The following RUBCNL variants were observed in gnomAD, a reference collection of about 807,000 sequenced individuals.
The protein encoded by RUBCNL is rubicon like autophagy enhancer, also known as protein associated with UVRAG as autophagy enhancer.
A neutral mutation model predicts 69.5 loss-of-function variants in RUBCNL; 62 were observed. The ratio of observed to expected loss-of-function variants is 0.89; its 90% confidence interval spans 0.73 to 1.10. The LOEUF (loss-of-function observed/expected upper bound fraction) is 1.10, where lower values mean the gene tolerates loss of function less well. Ranked by LOEUF, RUBCNL falls within the 50% of genes least tolerant of loss-of-function variation. RUBCNL has a pLI of 0.00. For synonymous variants in RUBCNL, 291 were observed against 303.6 expected, an observed-to-expected ratio of 0.96 and a Z score of 0.43; for missense variants, 768 against 798.1, an observed-to-expected ratio of 0.96 and a Z score of 0.45.
In RUBCNL at chr13:46,372,539, AC is replaced by A; in HGVS notation, c.-65del. The A allele has an allele frequency of 6.6e-7, 1 of 1,518,488 alleles. No homozygotes were observed. Among genetic ancestry groups the A allele is most frequent in the African/African-American group, 1.4e-5 (1 of 72,698 alleles). 94.1% of individuals were successfully genotyped at this position (1,518,488 alleles called of 1,614,324 possible). On this transcript the variant is annotated 5_prime_UTR_variant, in exon 3 of 15. Coordinates refer to ENST00000429979, the MANE Select transcript of RUBCNL (RefSeq NM_025113.5). ...AGATAGGAGTTCCCTGATTGCTGGT[AC>A]TACTTGATTTGGGCCCTGAACTCAC...
chr13:46,356,547 A>G (rs1328270637), intron 9 of RUBCNL, 51 bp from the exon 10 acceptor site: 1 of 1,482,496 alleles, frequency 6.7e-7, no homozygotes, highest in Non-Finnish European at 9.3e-7. Flanking sequence ...CCAATGGCAC[A>G]TTTTTCACTA....
intron 12 of RUBCNL, among the ~76,000 whole-genome samples, chr13:46,347,069 A>G (rs1038420374): frequency 1.3e-5 from 2 of 152,202 alleles, no homozygotes; most frequent in Non-Finnish European, 2.9e-5. Flanking sequence ...TGGAGTATCA[A>G]TGATCCCATC....
Position 46,338,908 on chromosome 13 carries a change from A to G in RUBCNL, c.*4477T>C, listed in dbSNP as rs1477010872. On this transcript the variant is annotated 3_prime_UTR_variant, in exon 15 of 15. Coordinates refer to ENST00000429979, the MANE Select transcript of RUBCNL (RefSeq NM_025113.5). Reference sequence around the variant, plus strand: ...AAAAACAGAAAAAAATTAGCTGGGCATGGTGGCACATGCCTGTGGTCCCAG... The same window carrying G: ...AAAAACAGAAAAAAATTAGCTGGGCGTGGTGGCACATGCCTGTGGTCCCAG... Among the ~76,000 whole-genome samples the G allele has an allele frequency of 6.6e-6, 1 of 152,092 alleles. No homozygotes were observed. The highest frequency in any genetic ancestry group is 1.5e-5 in the Non-Finnish European group (1 of 68,008).
rs1292211812 is a variant in RUBCNL, at chr13:46,368,824, A to G, written c.536-9T>C. 6.2e-7 allele frequency: 1 copy of G among 1,602,484 alleles called. No homozygotes were observed. The highest frequency in any genetic ancestry group is 2.2e-5 in the East Asian group (1 of 44,818). On this transcript the variant is annotated splice_polypyrimidine_tract_variant and intron_variant, in intron 3 of 14. Coordinates refer to ENST00000429979, the MANE Select transcript of RUBCNL (RefSeq NM_025113.5). ...ACTGACTTGAACAGCACCTGCCAAT[A>G]TAGCAAATTGTTAAAAATGGGGAAA... is the stretch of plus-strand genomic sequence containing the variant.
chr13:46,372,467 T>C lies in RUBCNL; in HGVS notation c.9A>G (p.Ser3=), dbSNP rs577388753. The change falls in exon 3 of 15, where the codon TCA becomes TCG. Residue 3 remains serine (S), a synonymous_variant. Transcript: ENST00000429979. MV[S]QSTVRQDSPV... ...GAGAATCCTGCCTGACTGTAGATTG[T>C]GACACCATCTTTCCAGGCTTGTGGC... 6.2e-7 allele frequency: 1 copy of C among 1,603,152 alleles called. No homozygotes were observed. Among genetic ancestry groups the C allele is most frequent in the East Asian group, 2.2e-5 (1 of 44,600 alleles).
upstream of RUBCNL, among the ~76,000 whole-genome samples, chr13:46,389,535 T>C (rs2138876626): frequency 6.6e-6 from 1 of 152,328 alleles, no homozygotes; most frequent in Non-Finnish European, 1.5e-5. The surrounding 1 kb of genome is among the most constrained non-coding windows in gnomAD (Gnocchi z 4.2). Flanking sequence ...AAATCGTTTT[T>C]GTAGGGAGAT....
At chr13:46,354,569 G>A (rs1331961192) in intron 10 of RUBCNL, among the ~76,000 whole-genome samples, 1 of 152,112 alleles carries the variant, frequency 6.6e-6, no homozygotes. Context: ...CTTACTCTCT[G>A]GCCACACAGG....
intron 12 of RUBCNL, 69 bp downstream of exon 12, chr13:46,349,217 T>C: frequency 2.2e-6 from 3 of 1,366,274 alleles, no homozygotes; most frequent in East Asian, 2.3e-5. Flanking sequence ...GGGAGCCAGA[T>C]GCAGGAGGCA....
rs2048121677 is a variant in RUBCNL at position 46,338,896 on chromosome 13, A to T, written c.*4489T>A. Among the ~76,000 whole-genome samples the T allele has an allele frequency of 6.6e-6, 1 of 152,014 alleles. No homozygotes were observed. The highest frequency in any genetic ancestry group is 2.4e-5 in the African/African-American group (1 of 41,386). ...CCCGTCTCTACCAAAAACAGAAAAA[A>T]ATTAGCTGGGCATGGTGGCACATGC... On this transcript the variant is annotated 3_prime_UTR_variant, in exon 15 of 15. Coordinates refer to ENST00000429979, the MANE Select transcript of RUBCNL (RefSeq NM_025113.5).
rs2048122165 is a variant in RUBCNL, at chr13:46,338,989, T to C, written c.*4396A>G. ...TTGAACCGGGAAGCAGAGGCTGCAG[T>C]GAACTGAGATCACGCCAACTGCACT... On this transcript the variant is annotated 3_prime_UTR_variant, in exon 15 of 15. Transcript: ENST00000429979. Among the ~76,000 whole-genome samples the C allele has an allele frequency of 6.7e-6, 1 of 149,608 alleles. No homozygotes were observed. Among genetic ancestry groups the C allele is most frequent in the Non-Finnish European group, 1.5e-5 (1 of 67,768 alleles).
At chr13:46,359,383 C>G (rs2048560572) in intron 9 of RUBCNL, 103 bp downstream of exon 9, 6 of 931,056 alleles carry the variant, frequency 6.4e-6, no homozygotes, top group Admixed American at 3.6e-5. Flanking sequence ...TTCCTGTGTT[C>G]TTTAGCATAT....
At position 46,377,890 on chromosome 13, in the gene RUBCNL, C is replaced by T. The variant is rs750848863; in HGVS notation, c.-123G>A. 4.4e-6 allele frequency: 7 copies of T among 1,589,844 alleles called. No individual in the cohort carries two copies. Among genetic ancestry groups the T allele is most frequent in the Non-Finnish European group, 6.0e-6 (7 of 1,161,182 alleles). ...ACAAAAGGCCAGGTCGGACACTCAC[C>T]AGGAGTATGAATTTCTCGAAGAGGC... is the stretch of plus-strand genomic sequence containing the variant. On this transcript the variant is annotated splice_region_variant and 5_prime_UTR_variant, in exon 2 of 15. The change abolishes the stop of an existing upstream ORF in the 5' untranslated region. Coordinates refer to ENST00000429979, the MANE Select transcript of RUBCNL (RefSeq NM_025113.5).
chr13:46,350,201 A>G lies in RUBCNL; in HGVS notation c.1481T>C (p.Leu494Pro). 1.3e-6 allele frequency: 2 copies of G among 1,592,974 alleles called. No homozygotes were observed. Among genetic ancestry groups the G allele is most frequent in the South Asian group, 2.3e-5 (2 of 87,492 alleles). ...AATGGGCTGGTGCCATATGCTGTCGAGCAGCTGTTTGGAGAAATTGCTGAC... is the reference window on the plus strand; with the variant it reads ...AATGGGCTGGTGCCATATGCTGTCGGGCAGCTGTTTGGAGAAATTGCTGAC... ...YYVSNFSKQL[L>P]DSIWHQPIFN... The change falls in exon 11 of 15, where the codon CTC becomes CCC. Residue 494 changes from leucine (L) to proline (P), a missense_variant. Coordinates refer to ENST00000429979, the MANE Select transcript of RUBCNL (RefSeq NM_025113.5).
rs1387740775 is a variant in RUBCNL at position 46,337,268 on chromosome 13, G to A, written c.*6117C>T. 6.6e-6 allele frequency among the ~76,000 whole-genome samples: 1 copy of A among 152,042 alleles called. No homozygotes were observed. The highest frequency in any genetic ancestry group is 1.5e-5 in the Non-Finnish European group (1 of 67,992). On this transcript the variant is annotated 3_prime_UTR_variant, in exon 15 of 15. Transcript: ENST00000429979. ...AGCGATTCTTCTGCCTCAGCCTCCC[G>A]AGTAGCTGGGATTACAGGCACTTGC...
In RUBCNL at chr13:46,335,759, G is replaced by C. The variant is rs1426691495; in HGVS notation, c.*7626C>G. Among the ~76,000 whole-genome samples the C allele has an allele frequency of 1.3e-5, 2 of 152,224 alleles. No homozygotes were observed. The highest frequency in any genetic ancestry group is 2.9e-5 in the Non-Finnish European group (2 of 68,040). On this transcript the variant is annotated 3_prime_UTR_variant, in exon 15 of 15. Transcript: ENST00000429979. ...GACTGGATCTGGGGAGTGAGGGAAAGGGAAAGGATGACTCCTAGGTGTTTG... is the reference window on the plus strand; with the variant it reads ...GACTGGATCTGGGGAGTGAGGGAAACGGAAAGGATGACTCCTAGGTGTTTG...
At chr13:46,371,344 CTT>C (rs753351624) in intron 3 of RUBCNL, among the ~76,000 whole-genome samples, 7 of 152,152 alleles carry the variant, frequency 4.6e-5, no homozygotes, top group Non-Finnish European at 7.3e-5. Context: ...TTTATTGACT[CTT>C]GAGTAGTACT....
Position 46,343,397 on chromosome 13 carries a change from A to G in RUBCNL, c.1977T>C (p.Ser659=). Residue 659 remains serine (S), a synonymous_variant, in exon 15 of 15, where the codon TCT becomes TCC. Transcript: ENST00000429979. ...ARRKLLESVA[S]AAT is the part of the protein sequence containing the mutation. ...GTACTCAGGGGCATCATGTTGCTGC[A>G]GAGGCCACACTTTCCAGAAGTTTTC... 6.2e-7 allele frequency: 1 copy of G among 1,613,484 alleles called. No homozygotes were observed. The highest frequency in any genetic ancestry group is 8.5e-7 in the Non-Finnish European group (1 of 1,179,686).
At position 46,372,208 on chromosome 13, in the gene RUBCNL, G is replaced by A. The variant is rs1040016764; in HGVS notation, c.268C>T (p.Pro90Ser). Residue 90 changes from proline (P) to serine (S), a missense_variant, in exon 3 of 15, where the codon CCT (proline) becomes TCT (serine). Transcript: ENST00000429979. The stretch of plus-strand genomic sequence containing the variant: ...GAGTCCCCGAGGCACGAAGGTGAAG[G>A]GCCTGAGGGAGAGGCAGCATCTGTC... ...FVTDAASPSG[P>S]SPSCLGDSLA... 6.2e-6 allele frequency: 10 copies of A among 1,613,904 alleles called. No homozygotes were observed. In the East Asian group the frequency reaches 1.1e-4, roughly 18 times the overall value.
chr13:46,362,945 T>G (rs201818212), intron 6 of RUBCNL, among the ~76,000 whole-genome samples, 170 bp downstream of exon 6: 19 of 60,158 alleles, frequency 3.2e-4, no homozygotes, highest in South Asian at 1.4e-3. Context: ...TATAGATATA[T>G]ATATATATAT....
Sources: gnomAD v4.1 joint callset for allele counts (sites outside exome capture counted in the v4.1 genomes callset) on GRCh38, gnomAD v4.1.1 for gene constraint, Gnocchi (gnomAD v3.1) non-coding constraint, MANE v1.5 for transcripts, NCBI Gene and HGNC (gene_info 2026-07-23, HGNC 2026-07-21) for gene names.